The following MOB3B variants were observed in gnomAD, a reference collection of about 807,000 sequenced individuals.
MOB3B encodes MOB kinase activator 3B.
MOB3B carries 7 observed loss-of-function variants against 18.7 expected under a neutral mutation model. The observed-to-expected ratio is 0.37, with a 90% CI of 0.21 to 0.70. The LOEUF (loss-of-function observed/expected upper bound fraction) is 0.70, where lower values mean the gene tolerates loss of function less well. Ranked by LOEUF, MOB3B falls within the 30% of genes least tolerant of loss-of-function variation. The pLI is 0.52. For synonymous variants in MOB3B, 111 were observed against 99.9 expected (o/e 1.11, Z -0.66); for missense variants, 253 against 281.3 (o/e 0.90, Z 0.72).
chr9:27,503,600 G>T (rs1008692720), intron 1 of MOB3B, among the ~76,000 whole-genome samples: 3 of 152,202 alleles, frequency 2.0e-5, no homozygotes, highest in Non-Finnish European at 2.9e-5. Flanking sequence ...CTTGAACCTT[G>T]CTAAAATACT....
At chr9:27,473,063 G>A (rs1409118605) in intron 1 of MOB3B, among the ~76,000 whole-genome samples, 1 of 152,170 alleles carries the variant, frequency 6.6e-6, no homozygotes, top group Non-Finnish European at 1.5e-5. Context: ...ACAATGAACT[G>A]GTCCTCATTT....
intron 3 of MOB3B, among the ~76,000 whole-genome samples, chr9:27,333,625 T>G (rs2131331372): frequency 6.6e-6 from 1 of 152,334 alleles, no homozygotes; most frequent in African/African-American, 2.4e-5. Flanking sequence ...CTGAGAAAGT[T>G]CCTGGTGACT....
chr9:27,510,968 C>A (rs1820132952), intron 1 of MOB3B, among the ~76,000 whole-genome samples: 1 of 152,124 alleles, frequency 6.6e-6, no homozygotes, highest in African/African-American at 2.4e-5. Context: ...TCCAGCCACA[C>A]CCTGGGATCA....
At chr9:27,489,405 G>A (rs1819779901) in intron 1 of MOB3B, among the ~76,000 whole-genome samples, 1 of 152,174 alleles carries the variant, frequency 6.6e-6, no homozygotes, top group African/African-American at 2.4e-5. Flanking sequence ...TTAAAAAGCA[G>A]TAAAATAGAC....
intron 1 of MOB3B, among the ~76,000 whole-genome samples, chr9:27,482,134 A>G (rs1819669582): frequency 6.6e-6 from 1 of 152,228 alleles, no homozygotes; most frequent in East Asian, 1.9e-4. Flanking sequence ...TGAAACATGA[A>G]TGGAAGCGAA....
At chr9:27,421,919 C>T (rs1033759705) in intron 2 of MOB3B, among the ~76,000 whole-genome samples, 2 of 152,148 alleles carry the variant, frequency 1.3e-5, no homozygotes. Context: ...TTATCACCAC[C>T]TGACATCTAT....
At chr9:27,354,726 A>G (rs1442922103) in intron 3 of MOB3B, among the ~76,000 whole-genome samples, 1 of 152,188 alleles carries the variant, frequency 6.6e-6, no homozygotes, top group Non-Finnish European at 1.5e-5. Flanking sequence ...CAATGCAGGA[A>G]TATGTCCTTT....
chr9:27,344,272 G>A (rs1462797266), intron 3 of MOB3B, among the ~76,000 whole-genome samples: 2 of 152,164 alleles, frequency 1.3e-5, no homozygotes, highest in South Asian at 2.1e-4. Context: ...TGTTCATGTG[G>A]GTGCTTGTGT....
intron 2 of MOB3B, among the ~76,000 whole-genome samples, chr9:27,395,732 G>T (rs890674484): frequency 2.0e-5 from 3 of 152,202 alleles, no homozygotes; most frequent in Non-Finnish European, 4.4e-5. Flanking sequence ...AGGCAACACA[G>T]AACGGTAGCA....
chr9:27,522,236 G>C (rs1205782804), intron 1 of MOB3B, among the ~76,000 whole-genome samples: 1 of 60,046 alleles, frequency 1.7e-5, no homozygotes, highest in East Asian at 5.2e-4. Context: ...GCAAGACCCC[G>C]TCTCACAAAA....
At chr9:27,452,734 G>A (rs564992028) in intron 2 of MOB3B, among the ~76,000 whole-genome samples, 1 of 152,262 alleles carries the variant, frequency 6.6e-6, no homozygotes, top group African/African-American at 2.4e-5. Context: ...TGAACCTGGA[G>A]AACATAGGTT....
At chr9:27,404,195 T>C (rs1387869433) in intron 2 of MOB3B, among the ~76,000 whole-genome samples, 1 of 152,088 alleles carries the variant, frequency 6.6e-6, no homozygotes, top group Non-Finnish European at 1.5e-5. Context: ...ATGTGCTATT[T>C]ATCTTTCTGT....
intron 1 of MOB3B, among the ~76,000 whole-genome samples, chr9:27,480,428 T>C (rs1413752673): frequency 6.6e-6 from 1 of 151,872 alleles, no homozygotes; most frequent in Non-Finnish European, 1.5e-5. Context: ...GCCTCCGGAG[T>C]AGCTGGGACT....
intron 2 of MOB3B, chr9:27,391,744 G>A (rs1821731360): frequency 6.6e-6 from 1 of 152,140 alleles, no homozygotes; most frequent in South Asian, 2.1e-4. Flanking sequence ...GACGGGCCCA[G>A]GATTCAGCTT....
chr9:27,527,926 G>A (rs1820460853), intron 1 of MOB3B, among the ~76,000 whole-genome samples: 2 of 152,136 alleles, frequency 1.3e-5, no homozygotes, highest in Admixed American at 6.5e-5. Context: ...AAACAGGGCC[G>A]CCTGCAACCC....
intron 1 of MOB3B, among the ~76,000 whole-genome samples, chr9:27,458,433 A>C (rs1819224046): frequency 6.6e-6 from 1 of 152,104 alleles, no homozygotes. Flanking sequence ...TGGCACTCGC[A>C]AATATTTAAA....
chr9:27,508,015 C>T (rs1051506359), intron 1 of MOB3B, among the ~76,000 whole-genome samples: 5 of 152,120 alleles, frequency 3.3e-5, no homozygotes, highest in Non-Finnish European at 7.4e-5. Context: ...TTCAAGGTAA[C>T]TGGTTAGGAG....
chr9:27,477,421 G>A (rs768304117), intron 1 of MOB3B, among the ~76,000 whole-genome samples: 1 of 152,116 alleles, frequency 6.6e-6, no homozygotes, highest in Non-Finnish European at 1.5e-5. Context: ...CCATTCTCCT[G>A]CTTTAATTTT....
rs962954953 is a variant in MOB3B at position 27,330,467 on chromosome 9, C to T, written c.*120G>A. ...ATGTCTCTCAGGAGTCACTGCTTGCCTCCACCTCTGCTGTTCCTGGGAGTA... is the reference window on the plus strand; with the variant it reads ...ATGTCTCTCAGGAGTCACTGCTTGCTTCCACCTCTGCTGTTCCTGGGAGTA... On this transcript the variant is annotated 3_prime_UTR_variant, in exon 4 of 4. Transcript: ENST00000262244. 1.5e-6 allele frequency: 2 copies of T among 1,344,788 alleles called. No homozygotes were observed. The highest frequency in any genetic ancestry group is 2.0e-6 in the Non-Finnish European group (2 of 976,838). 83.3% of individuals were successfully genotyped at this position (1,344,788 alleles called of 1,614,324 possible).
Sources: allele counts gnomAD v4.1 joint callset (sites outside exome capture counted in the v4.1 genomes callset), GRCh38; gene constraint gnomAD v4.1.1; transcripts MANE v1.5; gene names NCBI Gene and HGNC (gene_info 2026-07-23, HGNC 2026-07-21).